The following THSD4 variants were observed in gnomAD, a reference collection of about 807,000 sequenced individuals.
THSD4 encodes thrombospondin type-1 domain-containing protein 4.
In THSD4, 69 loss-of-function variants were observed where a neutral mutation model predicts 119.0. The observed-to-expected ratio is 0.58, with a 90% CI of 0.48 to 0.71. The LOEUF (loss-of-function observed/expected upper bound fraction) is 0.71, where lower values mean the gene tolerates loss of function less well. THSD4 is among the 30% of genes least tolerant of loss of function. The probability of loss-of-function intolerance (pLI) is 0.00; values close to 1 mark genes in which losing one functional copy is unlikely to be tolerated. For synonymous variants in THSD4, 524 were observed against 540.4 expected (o/e 0.97, Z 0.42); for missense variants, 1,393 against 1,391.1 (o/e 1.00, Z -0.02).
intron 7 of THSD4, among the ~76,000 whole-genome samples, chr15:71,587,324 G>A (rs1295921578): frequency 7.2e-5 from 9 of 124,152 alleles, no homozygotes; most frequent in East Asian, 6.5e-4. Context: ...ACATGCACAC[G>A]TATGTTTATT....
chr15:71,640,178 G>C (rs2050828542), intron 7 of THSD4, among the ~76,000 whole-genome samples: 1 of 152,082 alleles, frequency 6.6e-6, no homozygotes. Flanking sequence ...GACCTCTTGG[G>C]CTCAAGCGAT....
intron 7 of THSD4, among the ~76,000 whole-genome samples, chr15:71,556,907 T>C (rs1172349965): frequency 6.6e-6 from 1 of 152,214 alleles, no homozygotes; most frequent in East Asian, 1.9e-4. Flanking sequence ...TTTGGCTTTT[T>C]TCCTTTTCCA....
chr15:71,551,566 C>A (rs1363717771), intron 7 of THSD4, among the ~76,000 whole-genome samples: 4 of 152,132 alleles, frequency 2.6e-5, no homozygotes, highest in Non-Finnish European at 5.9e-5. Flanking sequence ...TGATTTATTA[C>A]AGTGAAAGTA....
intron 6 of THSD4, among the ~76,000 whole-genome samples, chr15:71,380,381 T>G (rs934155385): frequency 6.6e-6 from 1 of 152,088 alleles, no homozygotes; most frequent in African/African-American, 2.4e-5. Flanking sequence ...AGTCACAATG[T>G]CATGTCATCA....
intron 7 of THSD4, among the ~76,000 whole-genome samples, chr15:71,465,233 G>A (rs2047483214): frequency 6.6e-6 from 1 of 152,048 alleles, no homozygotes; most frequent in African/African-American, 2.4e-5. Flanking sequence ...TGGAAACAAG[G>A]TCTCCCACAG....
At chr15:71,450,943 C>T (rs2047255247) in intron 7 of THSD4, among the ~76,000 whole-genome samples, 1 of 152,076 alleles carries the variant, frequency 6.6e-6, no homozygotes, top group African/African-American at 2.4e-5. Flanking sequence ...TTTGGGAGGC[C>T]AGAGCGGATG....
chr15:71,383,176 C>A (rs575639178), intron 6 of THSD4, among the ~76,000 whole-genome samples: 1 of 152,320 alleles, frequency 6.6e-6, no homozygotes, highest in South Asian at 2.1e-4. Flanking sequence ...ATAGAGGAAA[C>A]TGGTTTTGGA....
intron 8 of THSD4, among the ~76,000 whole-genome samples, chr15:71,691,584 A>G (rs1216745845): frequency 1.3e-5 from 2 of 152,234 alleles, no homozygotes; most frequent in Admixed American, 6.5e-5. Flanking sequence ...TTTATGCTCT[A>G]AAGCAGGAAT....
intron 1 of THSD4, among the ~76,000 whole-genome samples, chr15:71,118,351 T>G (rs2040380605): frequency 6.6e-6 from 1 of 152,044 alleles, no homozygotes; most frequent in South Asian, 2.1e-4. Flanking sequence ...CATCCCCAGC[T>G]CAGAAATTCA....
At chr15:71,570,468 G>A (rs762063085) in intron 7 of THSD4, among the ~76,000 whole-genome samples, 63 of 151,156 alleles carry the variant, frequency 4.2e-4, no homozygotes, top group Non-Finnish European at 7.1e-4. Context: ...GTACAGTGGC[G>A]CCATCTAGGC....
intron 7 of THSD4, among the ~76,000 whole-genome samples, chr15:71,594,826 A>T (rs1316001165): frequency 6.6e-6 from 1 of 152,208 alleles, no homozygotes. Context: ...AAGTTAACAA[A>T]GTATATTTTA....
At chr15:71,655,800 G>A (rs534855969) in intron 7 of THSD4, among the ~76,000 whole-genome samples, 22 of 152,310 alleles carry the variant, frequency 1.4e-4, no homozygotes, top group Non-Finnish European at 2.8e-4. Context: ...GCACTAAGTC[G>A]TCCCTATCAG....
At chr15:71,489,334 G>A (rs1210262495) in intron 7 of THSD4, among the ~76,000 whole-genome samples, 2 of 151,836 alleles carry the variant, frequency 1.3e-5, no homozygotes, top group Non-Finnish European at 2.9e-5. Context: ...TTAAGTAAGT[G>A]CTCTCATTGT....
chr15:71,561,221 G>A (rs938008486), intron 7 of THSD4, among the ~76,000 whole-genome samples: 1 of 152,006 alleles, frequency 6.6e-6, no homozygotes, highest in Non-Finnish European at 1.5e-5. Flanking sequence ...TGATCCACCT[G>A]CCTCAGCCTC....
At chr15:71,359,546 G>A (rs965783706) in intron 6 of THSD4, among the ~76,000 whole-genome samples, 8 of 152,274 alleles carry the variant, frequency 5.3e-5, no homozygotes, top group Admixed American at 3.9e-4. Flanking sequence ...GGTGGCTCAC[G>A]CCCGTAATCC....
chr15:71,372,310 C>A (rs765529779), intron 6 of THSD4, among the ~76,000 whole-genome samples: 1 of 152,182 alleles, frequency 6.6e-6, no homozygotes, highest in Non-Finnish European at 1.5e-5. Context: ...AGCTTTGTTC[C>A]GTTGCTGGCG....
intron 8 of THSD4, among the ~76,000 whole-genome samples, chr15:71,669,158 C>A (rs567308821): frequency 6.6e-6 from 1 of 152,248 alleles, no homozygotes; most frequent in Admixed American, 6.5e-5. Flanking sequence ...ACACCGTTAC[C>A]AAAACTAAAT....
intron 7 of THSD4, among the ~76,000 whole-genome samples, chr15:71,577,337 G>T (rs1411524369): frequency 2.0e-5 from 3 of 152,216 alleles, no homozygotes; most frequent in South Asian, 2.1e-4. Flanking sequence ...TCCTAGAGGA[G>T]ATGCAAAGAG....
At chr15:71,109,296 C>T (rs902432937) in intron 1 of THSD4, among the ~76,000 whole-genome samples, 1 of 152,150 alleles carries the variant, frequency 6.6e-6, no homozygotes, top group African/African-American at 2.4e-5. Flanking sequence ...TGATGTGGCA[C>T]TAGAGCTGCA....
Sources: gnomAD v4.1 joint callset for allele counts (sites outside exome capture counted in the v4.1 genomes callset) on GRCh38, gnomAD v4.1.1 for gene constraint, MANE v1.5 for transcripts, NCBI Gene and HGNC (gene_info 2026-07-23, HGNC 2026-07-21) for gene names.